The following DCLK1 variants were observed in gnomAD, a reference collection of about 807,000 sequenced individuals.
The protein encoded by DCLK1 is doublecortin like kinase 1.
A neutral mutation model predicts 86.2 loss-of-function variants in DCLK1; 16 were observed. The observed-to-expected ratio is 0.19, with a 90% confidence interval of 0.13 to 0.28. The LOEUF (loss-of-function observed/expected upper bound fraction) is 0.28, where lower values mean the gene tolerates loss of function less well. Ranked by LOEUF, DCLK1 falls within the 10% of genes least tolerant of loss-of-function variation. The probability of loss-of-function intolerance (pLI) is 1.00; values close to 1 mark genes in which losing one functional copy is unlikely to be tolerated. For missense variants in DCLK1, 590 were observed against 940.2 expected (o/e 0.63, Z 4.87); for synonymous variants, 369 against 370.5 (o/e 1.00, Z 0.05).
chr13:35,850,634 T>C (rs570668759), intron 6 of DCLK1: 12 of 1,395,444 alleles, frequency 8.6e-6, no homozygotes, highest in Admixed American at 5.5e-5. Flanking sequence ...CAAAACTCTT[T>C]TGTGTATTTT....
At chr13:35,914,379 A>ATATACATATATATATATATATATATG (rs1566600404) in intron 4 of DCLK1, among the ~76,000 whole-genome samples, 1 of 122,490 alleles carries the variant, frequency 8.2e-6, no homozygotes, top group Admixed American at 9.2e-5. Flanking sequence ...GTATATATAT[A>ATATACATATATATATATATATATATG]TATATATATA....
chr13:35,786,836 C>T (rs916161050), intron 16 of DCLK1, among the ~76,000 whole-genome samples: 2 of 152,070 alleles, frequency 1.3e-5, no homozygotes, highest in African/African-American at 4.8e-5. Flanking sequence ...AATGAATGTG[C>T]AACTCCTACA....
chr13:35,876,167 A>C (rs2153115605), intron 4 of DCLK1, among the ~76,000 whole-genome samples: 1 of 152,354 alleles, frequency 6.6e-6, no homozygotes, highest in Middle Eastern at 3.4e-3. Flanking sequence ...AGAAAAAAAG[A>C]GAAACAAACT....
intron 4 of DCLK1, among the ~76,000 whole-genome samples, chr13:35,885,933 G>C (rs969818027): frequency 2.0e-5 from 3 of 151,694 alleles, no homozygotes; most frequent in Non-Finnish European, 4.4e-5. Context: ...GCCTAGAGGA[G>C]AGATGTAAAA....
intron 3 of DCLK1, among the ~76,000 whole-genome samples, chr13:36,058,912 GT>G (rs1240717007): frequency 6.6e-6 from 1 of 152,190 alleles, no homozygotes; most frequent in Non-Finnish European, 1.5e-5. Context: ...TCAGGAATAA[GT>G]TAGTAATGAT....
chr13:35,912,319 T>C (rs940107867), intron 4 of DCLK1, among the ~76,000 whole-genome samples: 2 of 152,206 alleles, frequency 1.3e-5, no homozygotes, highest in African/African-American at 4.8e-5. Flanking sequence ...CTTCTATTCC[T>C]GTTTGCCCAC....
At chr13:36,103,660 T>G (rs1885298924) in intron 3 of DCLK1, among the ~76,000 whole-genome samples, 1 of 152,230 alleles carries the variant, frequency 6.6e-6, no homozygotes, top group Non-Finnish European at 1.5e-5. Flanking sequence ...TAAAGTTCCA[T>G]TTAATTTCTG....
intron 3 of DCLK1, among the ~76,000 whole-genome samples, chr13:36,102,214 T>C (rs781386586): frequency 6.6e-6 from 1 of 150,462 alleles, no homozygotes; most frequent in Non-Finnish European, 1.5e-5. Context: ...TTTAAGCTAG[T>C]GCTTACCTTG....
At chr13:36,105,602 T>C (rs1365518947) in intron 3 of DCLK1, among the ~76,000 whole-genome samples, 2 of 152,222 alleles carry the variant, frequency 1.3e-5, no homozygotes, top group Non-Finnish European at 2.9e-5. Flanking sequence ...ATGTTTTTCC[T>C]CTCTGTCATG....
chr13:35,976,241 G>A (rs966765601), intron 3 of DCLK1, among the ~76,000 whole-genome samples: 2 of 152,154 alleles, frequency 1.3e-5, no homozygotes, highest in Non-Finnish European at 2.9e-5. Flanking sequence ...TCCAGGAAGG[G>A]CGTGGGCAAG....
At chr13:35,956,371 A>G (rs74705733) in intron 3 of DCLK1, among the ~76,000 whole-genome samples, 292 of 152,298 alleles carry the variant, frequency 1.9e-3, no homozygotes, top group African/African-American at 6.6e-3. Context: ...CAAAAGATTC[A>G]TGCAAGTAGG....
intron 3 of DCLK1, among the ~76,000 whole-genome samples, chr13:36,053,946 T>C (rs1883210661): frequency 6.6e-6 from 1 of 152,142 alleles, no homozygotes; most frequent in African/African-American, 2.4e-5. Context: ...CAGTTTGGTG[T>C]AATGCAGGAT....
chr13:35,884,317 A>T (rs951091779), intron 4 of DCLK1, among the ~76,000 whole-genome samples: 2 of 152,196 alleles, frequency 1.3e-5, no homozygotes, highest in Non-Finnish European at 2.9e-5. Flanking sequence ...TCAAATTTGC[A>T]AAAACAACCA....
chr13:36,105,904 C>T (rs1460624388), intron 3 of DCLK1, among the ~76,000 whole-genome samples: 1 of 152,116 alleles, frequency 6.6e-6, no homozygotes, highest in Non-Finnish European at 1.5e-5. Context: ...ACAGAAAAGG[C>T]TCACAGGCCG....
intron 3 of DCLK1, among the ~76,000 whole-genome samples, chr13:35,995,629 C>T (rs1487288113): frequency 1.3e-5 from 2 of 152,208 alleles, no homozygotes; most frequent in Non-Finnish European, 2.9e-5. Context: ...ATGGAAATTT[C>T]ACCTCTTCCC....
At position 35,805,756 on chromosome 13, in the gene DCLK1, C is replaced by T; in HGVS notation, c.1887G>A (p.Leu629=). 6.2e-7 allele frequency: 1 copy of T among 1,613,690 alleles called. No homozygotes were observed. Among genetic ancestry groups the T allele is most frequent in the East Asian group, 2.2e-5 (1 of 44,832 alleles). Residue 629 remains leucine (L), a synonymous_variant, in exon 15 of 17, where the codon TTG becomes TTA. Transcript: ENST00000360631. ...SAKELITMML[L]VDVDQRFSAV... ...CAGAAAATCGCTGATCTACATCGAC[C>T]AACAGCATCATGGTAATGAGCTCCT...
At chr13:35,781,298 T>G (rs971573334) in intron 16 of DCLK1, among the ~76,000 whole-genome samples, 1 of 152,374 alleles carries the variant, frequency 6.6e-6, no homozygotes, top group East Asian at 1.9e-4. Flanking sequence ...GCTAATTATG[T>G]GACCTTGGAC....
At chr13:35,921,162 T>A (rs1875778744) in intron 4 of DCLK1, among the ~76,000 whole-genome samples, 3 of 152,086 alleles carry the variant, frequency 2.0e-5, no homozygotes, top group Admixed American at 2.0e-4. Context: ...ATCCTATTAT[T>A]CCCAGGATAT....
chr13:36,076,518 T>C (rs953547737), intron 3 of DCLK1, among the ~76,000 whole-genome samples: 9 of 152,176 alleles, frequency 5.9e-5, no homozygotes, highest in South Asian at 2.1e-4. Context: ...CTATTGTATG[T>C]CCTTCTGATC....
Sources: gnomAD v4.1 joint callset for allele counts (sites outside exome capture counted in the v4.1 genomes callset) on GRCh38, gnomAD v4.1.1 for gene constraint, MANE v1.5 for transcripts, NCBI Gene and HGNC (gene_info 2026-07-23, HGNC 2026-07-21) for gene names.